FBXW7: variants seen among roughly 807,000 people sequenced by gnomAD.
FBXW7 encodes F-box and WD repeat domain containing 7.
In FBXW7, 11 loss-of-function variants were observed where a neutral mutation model predicts 86.3. The ratio of observed to expected loss-of-function variants is 0.13; its 90% CI spans 0.08 to 0.21. The LOEUF is 0.21. Ranked by LOEUF, FBXW7 falls within the 10% of genes least tolerant of loss-of-function variation. The pLI, the probability that FBXW7 is intolerant of heterozygous loss-of-function variation, is 1.00. For missense variants in FBXW7, 488 were observed against 847.4 expected (o/e 0.58, Z 5.27); for synonymous variants, 313 against 297.9 (o/e 1.05, Z -0.52).
At chr4:152,497,321 C>CAAAAAAAAAAAAAAAAAAAAAAAAAAA (rs55764450) in intron 2 of FBXW7, among the ~76,000 whole-genome samples, 1 of 51,664 alleles carries the variant, frequency 1.9e-5, no homozygotes, top group Non-Finnish European at 3.3e-5. Flanking sequence ...GACTCCATCT[C>CAAAAAAAAAAAAAAAAAAAAAAAAAAA]AAAAAAAAAA....
chr4:152,477,759 C>T (rs930624689), intron 2 of FBXW7, among the ~76,000 whole-genome samples: 1 of 152,054 alleles, frequency 6.6e-6, no homozygotes, highest in Admixed American at 6.6e-5. Context: ...AAACATGACA[C>T]CTTTTCCAGT....
intron 2 of FBXW7, among the ~76,000 whole-genome samples, chr4:152,460,245 A>G (rs898313564): frequency 2.0e-5 from 3 of 152,228 alleles, no homozygotes; most frequent in African/African-American, 7.2e-5. Flanking sequence ...GACTATTAAC[A>G]CGTTAATTTG....
chr4:152,486,114 A>C (rs1745316101), intron 2 of FBXW7, among the ~76,000 whole-genome samples: 1 of 152,170 alleles, frequency 6.6e-6, no homozygotes, highest in Non-Finnish European at 1.5e-5. Context: ...AAAATACAGT[A>C]TAAAAGATTT....
intron 2 of FBXW7, among the ~76,000 whole-genome samples, chr4:152,493,121 G>A (rs1184378864): frequency 6.6e-6 from 1 of 151,758 alleles, no homozygotes; most frequent in Non-Finnish European, 1.5e-5. Flanking sequence ...ATAGATCAGA[G>A]AGGCAAAATG....
intron 2 of FBXW7, among the ~76,000 whole-genome samples, chr4:152,432,566 G>C (rs1175065604): frequency 1.3e-5 from 2 of 152,060 alleles, no homozygotes; most frequent in Non-Finnish European, 2.9e-5. Context: ...CAGCACTTTG[G>C]GGGGCCAAGG....
intron 2 of FBXW7, among the ~76,000 whole-genome samples, chr4:152,458,495 C>G (rs1325374765): frequency 6.6e-6 from 1 of 152,162 alleles, no homozygotes. Flanking sequence ...AAAGAATGAT[C>G]CAGATATACA....
At chr4:152,333,609 T>C (rs565499237) in intron 7 of FBXW7, among the ~76,000 whole-genome samples, 54 of 152,324 alleles carry the variant, frequency 3.5e-4, no homozygotes, top group African/African-American at 1.3e-3. Flanking sequence ...TCAGTTTTCA[T>C]ATGAAATAAA....
chr4:152,515,086 G>C (rs1421936393), intron 2 of FBXW7, among the ~76,000 whole-genome samples: 2 of 152,012 alleles, frequency 1.3e-5, no homozygotes, highest in African/African-American at 4.8e-5. Context: ...GCAAAACAGA[G>C]GTCAAGAACA....
At chr4:152,337,032 T>G (rs1730202374) in intron 7 of FBXW7, among the ~76,000 whole-genome samples, 1 of 152,142 alleles carries the variant, frequency 6.6e-6, no homozygotes, top group East Asian at 1.9e-4. Context: ...ATGCTGATTA[T>G]TTAATGTTAT....
At chr4:152,354,467 T>G (rs1375732184) in intron 4 of FBXW7, among the ~76,000 whole-genome samples, 1 of 152,128 alleles carries the variant, frequency 6.6e-6, no homozygotes, top group Non-Finnish European at 1.5e-5. Flanking sequence ...TGAGAACACC[T>G]GAAATTTCAT....
chr4:152,346,455 A>G (rs1376803669), intron 6 of FBXW7, among the ~76,000 whole-genome samples: 1 of 152,204 alleles, frequency 6.6e-6, no homozygotes, highest in Non-Finnish European at 1.5e-5. Context: ...TACACAAATA[A>G]GTATTGGACT....
chr4:152,384,368 C>T (rs1308545590), intron 4 of FBXW7, among the ~76,000 whole-genome samples: 4 of 152,084 alleles, frequency 2.6e-5, no homozygotes, highest in Admixed American at 2.0e-4. Context: ...GAAATTCTGA[C>T]ATATGCTACA....
At chr4:152,372,696 G>GCCT (rs1734109287) in intron 4 of FBXW7, among the ~76,000 whole-genome samples, 1 of 151,862 alleles carries the variant, frequency 6.6e-6, no homozygotes, top group East Asian at 1.9e-4. Context: ...TATATTACAA[G>GCCT]CCTCAACATT....
Position 152,443,223 on chromosome 4 carries a change from T to C in FBXW7, c.-119-30694A>G, listed in dbSNP as rs568457667. Reference sequence around the variant, plus strand: ...GTTGTGGTGAGCCGAAATCGCACCATTGCACTCCAGCCTGGGCAACAAGAG... The same window carrying C: ...GTTGTGGTGAGCCGAAATCGCACCACTGCACTCCAGCCTGGGCAACAAGAG... On this transcript the variant is annotated intron_variant, in intron 2 of 13. Transcript: ENST00000281708. 5.7e-4 allele frequency among the ~76,000 whole-genome samples: 87 copies of C among 152,068 alleles called. 1 individual carries two copies. Among genetic ancestry groups the C allele is most frequent in the Non-Finnish European group, 9.9e-4 (67 of 67,954 alleles).
intron 2 of FBXW7, among the ~76,000 whole-genome samples, chr4:152,461,879 A>C (rs774610322): frequency 9.2e-5 from 14 of 152,220 alleles, no homozygotes; most frequent in Non-Finnish European, 1.5e-5. Flanking sequence ...AGCAACTTGA[A>C]GCAAAACACA....
At chr4:152,466,920 C>T (rs989394135) in intron 2 of FBXW7, among the ~76,000 whole-genome samples, 2 of 151,968 alleles carry the variant, frequency 1.3e-5, no homozygotes, top group Non-Finnish European at 2.9e-5. Context: ...CTGGCCTGAG[C>T]GAAAGAGCGA....
chr4:152,419,217 C>A (rs1738721019), intron 2 of FBXW7, among the ~76,000 whole-genome samples: 1 of 152,000 alleles, frequency 6.6e-6, no homozygotes, highest in Admixed American at 6.6e-5. Context: ...TAAATTAAAT[C>A]TGCTGAGCCT....
chr4:152,417,600 A>C (rs1306121222), intron 2 of FBXW7, among the ~76,000 whole-genome samples: 1 of 152,068 alleles, frequency 6.6e-6, no homozygotes, highest in African/African-American at 2.4e-5. Context: ...CCATATAGTA[A>C]AGAAGCCCCC....
chr4:152,485,704 T>C (rs1745273746), intron 2 of FBXW7, among the ~76,000 whole-genome samples: 1 of 152,138 alleles, frequency 6.6e-6, no homozygotes, highest in South Asian at 2.1e-4. Flanking sequence ...GAACTTTTGG[T>C]AAAATAGCCA....
Sources: gnomAD v4.1 joint callset for allele counts (sites outside exome capture counted in the v4.1 genomes callset) on GRCh38, gnomAD v4.1.1 for gene constraint, MANE v1.5 for transcripts, NCBI Gene and HGNC (gene_info 2026-07-23, HGNC 2026-07-21) for gene names.